Variants in ANP32A observed in about 807,000 individuals in gnomAD.
The protein encoded by ANP32A is acidic leucine-rich nuclear phosphoprotein 32 family member A.
Under a neutral mutation model 33.9 loss-of-function variants are expected in ANP32A, and 1 was observed. That is an observed-to-expected ratio of 0.03 (90% confidence interval 0.01 to 0.14). The LOEUF is 0.14. Among genes scored for constraint, ANP32A ranks in the 10% least tolerant of loss-of-function variants. ANP32A has a pLI of 1.00. For missense variants in ANP32A, 155 were observed against 306.0 expected (o/e 0.51, Z 3.68); for synonymous variants, 115 against 120.5 (o/e 0.95, Z 0.30).
At chr15:68,796,020 G>A (rs897465408) in intron 1 of ANP32A, among the ~76,000 whole-genome samples, 1 of 152,194 alleles carries the variant, frequency 6.6e-6, no homozygotes, top group African/African-American at 2.4e-5. Flanking sequence ...GCTGCAGTGT[G>A]GAAAAGGGGA....
chr15:68,810,797 C>T lies in ANP32A; in HGVS notation c.54+9901G>A, dbSNP rs558798368. ...AATCCCAGCCGGGCGCAGTGGCTCACGCCTGTAATCCCAGCACTTTGGGAG... is the reference window on the plus strand; with the variant it reads ...AATCCCAGCCGGGCGCAGTGGCTCATGCCTGTAATCCCAGCACTTTGGGAG... On this transcript the variant is annotated intron_variant, in intron 1 of 6. Transcript: ENST00000465139. Among the ~76,000 whole-genome samples the T allele has an allele frequency of 3.3e-5, 5 of 152,202 alleles. No individual in the cohort carries two copies. In the East Asian group the frequency reaches 7.7e-4, roughly 24 times the overall value.
chr15:68,794,334 C>G (rs147623132), intron 1 of ANP32A, among the ~76,000 whole-genome samples: 1 of 152,282 alleles, frequency 6.6e-6, no homozygotes, highest in South Asian at 2.1e-4. Context: ...TGCTTAAAAC[C>G]GACCCCTTTG....
intron 1 of ANP32A, among the ~76,000 whole-genome samples, chr15:68,806,588 G>T (rs1894228273): frequency 6.6e-6 from 1 of 152,176 alleles, no homozygotes. Context: ...ACACAGAAAG[G>T]CATGTCTGCA....
intron 1 of ANP32A, among the ~76,000 whole-genome samples, chr15:68,814,346 G>A (rs556768738): frequency 3.4e-4 from 52 of 152,026 alleles, no homozygotes; most frequent in African/African-American, 1.2e-3. Context: ...GATCACTTGA[G>A]TCCAGGAGTT....
At chr15:68,820,602 C>A in intron 1 of ANP32A, 96 bp downstream of exon 1, 1 of 283,568 alleles carries the variant, frequency 3.5e-6, no homozygotes, top group Non-Finnish European at 6.7e-6. Flanking sequence ...CCGGGCGCCC[C>A]CCCCCAAAAA....
At chr15:68,802,094 T>C (rs1159113666) in intron 1 of ANP32A, among the ~76,000 whole-genome samples, 1 of 152,224 alleles carries the variant, frequency 6.6e-6, no homozygotes, top group Non-Finnish European at 1.5e-5. Flanking sequence ...TGCCTCACCA[T>C]ACGGATAGGG....
At chr15:68,811,759 C>G (rs754638398) in intron 1 of ANP32A, among the ~76,000 whole-genome samples, 2 of 151,992 alleles carry the variant, frequency 1.3e-5, no homozygotes, top group East Asian at 3.9e-4. Context: ...TTTTTGAGAC[C>G]GAGTTTCGCT....
At chr15:68,794,526 T>C (rs527994678) in intron 1 of ANP32A, among the ~76,000 whole-genome samples, 3 of 152,352 alleles carry the variant, frequency 2.0e-5, no homozygotes, top group Non-Finnish European at 2.9e-5. Flanking sequence ...TCATATCAAA[T>C]TGACCCTGTG....
intron 1 of ANP32A, among the ~76,000 whole-genome samples, chr15:68,815,165 G>A (rs1192249843): frequency 6.6e-6 from 1 of 152,152 alleles, no homozygotes; most frequent in East Asian, 1.9e-4. Flanking sequence ...AAGACCCTGA[G>A]AGTACCACCC....
At position 68,780,328 on chromosome 15, in the gene ANP32A, A is replaced by G; in HGVS notation, c.688+82T>C. On this transcript the variant is annotated intron_variant, in intron 6 of 6. Coordinates refer to ENST00000465139, the MANE Select transcript of ANP32A (RefSeq NM_006305.4). This position sits in a 1 kb window ranked among gnomAD's most constrained non-coding sequence, Gnocchi z 4.3. ...TGACAGGAGTGTCCTGCCCACTGCC[A>G]GGGGCCTCTGAGTCTAAGCAATCTA... 1 of 1,606,474 alleles carries G rather than the reference A, an allele frequency of 6.2e-7. No individual in the cohort carries two copies. Among genetic ancestry groups the G allele is most frequent in the Non-Finnish European group, 8.5e-7 (1 of 1,176,234 alleles).
intron 1 of ANP32A, among the ~76,000 whole-genome samples, chr15:68,814,587 G>A (rs1432400848): frequency 1.3e-5 from 2 of 152,052 alleles, no homozygotes; most frequent in Non-Finnish European, 2.9e-5. Context: ...TGCTGTTATG[G>A]GGACTAGGAT....
rs1464465634 is a variant in ANP32A, at chr15:68,783,013, C to T, written c.567G>A (p.Glu189=). The T allele has an allele frequency of 2.6e-6, 4 of 1,551,834 alleles. No homozygotes were observed. Among genetic ancestry groups the T allele is most frequent in the African/African-American group, 1.4e-5 (1 of 73,162 alleles). ...CTTCCTCCTCCTCATCCTCGTCCTCCTCGTCTTCCACTACCTGAGCATCTT... is the reference window on the plus strand; with the variant it reads ...CTTCCTCCTCCTCATCCTCGTCCTCTTCGTCTTCCACTACCTGAGCATCTT... ...YDEDAQVVED[E]EDEDEEEEGE... is the part of the protein sequence containing the mutation. Residue 189 remains glutamate, a synonymous_variant, in exon 5 of 7, where the codon GAG becomes GAA. Transcript: ENST00000465139.
rs150710706 is a variant in ANP32A, at chr15:68,808,033, G to C, written c.54+12665C>G. ...ACAATCCCATGGTGGTGGGGATGTG[G>C]GGGGCAGGTCAAGGAGCGGATCCCT... On this transcript the variant is annotated intron_variant, in intron 1 of 6. Coordinates refer to ENST00000465139, the MANE Select transcript of ANP32A (RefSeq NM_006305.4). Among the ~76,000 whole-genome samples the C allele has an allele frequency of 8.1e-3, 1,234 of 152,260 alleles. 18 individuals carry two copies. Among genetic ancestry groups the C allele is most frequent in the African/African-American group, 0.027 (1,139 of 41,536 alleles).
chr15:68,816,985 T>A (rs545007575), intron 1 of ANP32A, among the ~76,000 whole-genome samples: 1 of 152,156 alleles, frequency 6.6e-6, no homozygotes, highest in Non-Finnish European at 1.5e-5. Flanking sequence ...GAAAACATCA[T>A]GCGATGTATT....
chr15:68,808,719 A>C (rs1894272197), intron 1 of ANP32A, among the ~76,000 whole-genome samples: 1 of 152,178 alleles, frequency 6.6e-6, no homozygotes, highest in African/African-American at 2.4e-5. Context: ...TAATTCCTCT[A>C]AATTGAGAAT....
intron 1 of ANP32A, 23 bp downstream of exon 1, chr15:68,820,675 A>C: frequency 6.4e-7 from 1 of 1,573,454 alleles, no homozygotes; most frequent in Non-Finnish European, 8.7e-7. Context: ...GGACCGACAG[A>C]GATATTTTTG....
At chr15:68,803,500 A>G (rs1894167133) in intron 1 of ANP32A, among the ~76,000 whole-genome samples, 3 of 152,168 alleles carry the variant, frequency 2.0e-5, no homozygotes, top group African/African-American at 7.2e-5. Flanking sequence ...GCCTACTTTT[A>G]TTGGAAAGCC....
chr15:68,817,167 T>C (rs962110279), intron 1 of ANP32A, among the ~76,000 whole-genome samples: 3 of 152,348 alleles, frequency 2.0e-5, no homozygotes, highest in African/African-American at 4.8e-5. Context: ...ACGCGACGAA[T>C]TGCCTGGCTC....
intron 1 of ANP32A, among the ~76,000 whole-genome samples, chr15:68,804,967 T>C (rs1239591554): frequency 6.6e-6 from 1 of 152,214 alleles, no homozygotes; most frequent in African/African-American, 2.4e-5. Context: ...TGCTTTTAGA[T>C]GAAATTATTG....
Sources: gnomAD v4.1 joint callset for allele counts (sites outside exome capture counted in the v4.1 genomes callset) on GRCh38, gnomAD v4.1.1 for gene constraint, Gnocchi (gnomAD v3.1) non-coding constraint, MANE v1.5 for transcripts, NCBI Gene and HGNC (gene_info 2026-07-23, HGNC 2026-07-21) for gene names.